The following KAZN variants were observed in gnomAD, a reference collection of about 807,000 sequenced individuals.
The protein encoded by KAZN is kazrin.
A neutral mutation model predicts 87.4 loss-of-function variants in KAZN; 40 were observed. That is an observed-to-expected ratio of 0.46 (90% CI 0.36 to 0.60). The LOEUF (loss-of-function observed/expected upper bound fraction) is 0.60, where lower values mean the gene tolerates loss of function less well. Ranked by LOEUF, KAZN falls within the 20% of genes least tolerant of loss-of-function variation. The pLI, the probability that KAZN is intolerant of heterozygous loss-of-function variation, is 0.00. For missense variants in KAZN, 898 were observed against 1,073.9 expected (o/e 0.84, Z 2.29); for synonymous variants, 466 against 458.3 (o/e 1.02, Z -0.22).
chr1:15,067,657 C>T, intron 8 of KAZN: 1 of 985,322 alleles, frequency 1.0e-6, no homozygotes, highest in East Asian at 1.1e-4. Flanking sequence ...ACATTGTGTC[C>T]AAAGTCTCAA....
intron 2 of KAZN, among the ~76,000 whole-genome samples, chr1:14,998,996 G>C (rs967101109): frequency 1.3e-5 from 2 of 152,218 alleles, no homozygotes; most frequent in Non-Finnish European, 2.9e-5. Context: ...ACAGTCACCA[G>C]GTATTTGTCA....
intron 1 of KAZN, among the ~76,000 whole-genome samples, chr1:14,019,403 T>C (rs1008223139): frequency 6.6e-6 from 1 of 152,132 alleles, no homozygotes; most frequent in Non-Finnish European, 1.5e-5. Context: ...GAAGACCGAG[T>C]ACAGCATATT....
rs186792265 is a variant in KAZN, at chr1:14,864,871, G to A, written c.227-95813G>A. On this transcript the variant is annotated intron_variant, in intron 1 of 14. Transcript: ENST00000376030. The stretch of plus-strand genomic sequence containing the variant: ...TGAAATGGGATAATAACAACACCCA[G>A]CCCACAAGATGGTTGTGATGTTGTG... Among the ~76,000 whole-genome samples, 9 of 152,226 alleles carry A rather than the reference G, an allele frequency of 5.9e-5. No individual in the cohort carries two copies. In the East Asian group the frequency reaches 1.7e-3, roughly 29 times the overall value.
At chr1:14,721,253 C>T (rs566114389) in intron 1 of KAZN, among the ~76,000 whole-genome samples, 17 of 152,240 alleles carry the variant, frequency 1.1e-4, no homozygotes, top group African/African-American at 3.6e-4. Context: ...ATGCTATTCT[C>T]GTGCTTGTGA....
At chr1:14,595,143 C>CA (rs35260607), upstream of KAZN, among the ~76,000 whole-genome samples, 652 of 149,248 alleles carry the variant, frequency 4.4e-3, 25 homozygotes, top group East Asian at 0.075. Context: ...GACTCCATCT[C>CA]AAAAAAAAAA....
chr1:14,078,150 A>G (rs1643532998), intron 1 of KAZN, among the ~76,000 whole-genome samples: 1 of 152,184 alleles, frequency 6.6e-6, no homozygotes, highest in African/African-American at 2.4e-5. Flanking sequence ...TGGTTTAGCA[A>G]TCAAATGGCT....
chr1:14,240,317 C>G (rs1029893372), intron 2 of KAZN, among the ~76,000 whole-genome samples: 1 of 152,238 alleles, frequency 6.6e-6, no homozygotes, highest in African/African-American at 2.4e-5. Context: ...CCTGTGCCCA[C>G]GCGACACCTC....
chr1:15,001,036 G>A (rs538563363), intron 2 of KAZN, among the ~76,000 whole-genome samples: 9 of 149,778 alleles, frequency 6.0e-5, no homozygotes, highest in African/African-American at 1.0e-4. Context: ...CCAGGAGTTC[G>A]AGACTGCAGT....
At chr1:14,369,028 C>T (rs964172144) in intron 2 of KAZN, among the ~76,000 whole-genome samples, 5 of 152,110 alleles carry the variant, frequency 3.3e-5, no homozygotes, top group Non-Finnish European at 7.3e-5. Flanking sequence ...CTGGGCTTCC[C>T]GGGAGTTGAA....
At chr1:14,104,440 G>A (rs558117027) in intron 1 of KAZN, among the ~76,000 whole-genome samples, 4 of 152,286 alleles carry the variant, frequency 2.6e-5, no homozygotes, top group Admixed American at 2.0e-4. Context: ...CTGCCATCTT[G>A]TTTAGATAAG....
chr1:14,462,465 A>G (rs1391085602), intron 2 of KAZN, among the ~76,000 whole-genome samples: 1 of 152,164 alleles, frequency 6.6e-6, no homozygotes, highest in Non-Finnish European at 1.5e-5. Flanking sequence ...ATTCTGTCAG[A>G]CCTAGAATAT....
rs150959630 is a variant in KAZN, at chr1:14,621,965, C to A, written c.226+22742C>A. On this transcript the variant is annotated intron_variant, in intron 1 of 14. Transcript: ENST00000376030. ...AAGAAACCTTACAAAGCCTGTACTTCCGGCTTGAACAGGGCATAAAGTATA... is the reference window on the plus strand; with the variant it reads ...AAGAAACCTTACAAAGCCTGTACTTACGGCTTGAACAGGGCATAAAGTATA... 5.1e-3 allele frequency among the ~76,000 whole-genome samples: 771 copies of A among 152,328 alleles called. 13 individuals carry two copies. The highest frequency in any genetic ancestry group is 0.018 in the African/African-American group (739 of 41,582).
chr1:14,911,562 C>T (rs143456640), intron 1 of KAZN, among the ~76,000 whole-genome samples: 7 of 152,290 alleles, frequency 4.6e-5, no homozygotes, highest in East Asian at 3.9e-4. Context: ...CATTAGGCGC[C>T]GGAAGCTGCT....
At chr1:14,000,337 A>T (rs975345714) in intron 1 of KAZN, among the ~76,000 whole-genome samples, 3 of 152,288 alleles carry the variant, frequency 2.0e-5, no homozygotes, top group South Asian at 2.1e-4. Flanking sequence ...CACATCAAAA[A>T]CTTATCCACT....
chr1:14,191,566 C>T (rs1361264016), intron 2 of KAZN, among the ~76,000 whole-genome samples: 1 of 152,072 alleles, frequency 6.6e-6, no homozygotes, highest in Non-Finnish European at 1.5e-5. Flanking sequence ...GAGTTCCGGG[C>T]TCAAGGAACA....
intron 1 of KAZN, among the ~76,000 whole-genome samples, chr1:13,907,358 C>A (rs1002091091): frequency 6.6e-6 from 1 of 152,114 alleles, no homozygotes; most frequent in Non-Finnish European, 1.5e-5. Flanking sequence ...GGATGCTTGG[C>A]AGGGTGGGAG....
At position 15,070,105 on chromosome 1, in the gene KAZN, T is replaced by C. The variant is rs1016738620; in HGVS notation, c.1222+4352T>C. ...GGGCCTCAAACTATGGAGTTTTGGC[T>C]ACAGAGTTTGTGCCCTGAACCACTC... On this transcript the variant is annotated intron_variant, in intron 8 of 14. Coordinates refer to ENST00000376030, the MANE Select transcript of KAZN (RefSeq NM_201628.3). Among the ~76,000 whole-genome samples the C allele has an allele frequency of 7.2e-5, 11 of 152,298 alleles. No homozygotes were observed. The East Asian group carries it at 2.1e-3, about 29-fold the overall frequency.
intron 2 of KAZN, among the ~76,000 whole-genome samples, chr1:14,383,817 ATGAAC>A (rs1177995066): frequency 6.6e-6 from 1 of 152,124 alleles, no homozygotes; most frequent in Non-Finnish European, 1.5e-5. Context: ...TTGATTCCAT[ATGAAC>A]TTTAAAGTAG....
At chr1:15,013,440 G>A (rs571604028) in intron 2 of KAZN, among the ~76,000 whole-genome samples, 1 of 152,238 alleles carries the variant, frequency 6.6e-6, no homozygotes, top group Admixed American at 6.5e-5. Context: ...GAGGGATCTG[G>A]CAATGTGACA....
Sources: allele counts gnomAD v4.1 joint callset (sites outside exome capture counted in the v4.1 genomes callset), GRCh38; gene constraint gnomAD v4.1.1; transcripts MANE v1.5; gene names NCBI Gene and HGNC (gene_info 2026-07-23, HGNC 2026-07-21).